The following TLN2 variants were observed in gnomAD, a reference collection of about 807,000 sequenced individuals.
The protein encoded by TLN2 is talin-2.
Under a neutral mutation model 294.7 loss-of-function variants are expected in TLN2, and 118 were observed. That is an observed-to-expected ratio of 0.40 (90% CI 0.34 to 0.47). TLN2 has a LOEUF of 0.47. Among genes scored for constraint, TLN2 ranks in the 20% least tolerant of loss-of-function variants. The pLI is 0.84. For missense variants in TLN2, 3,083 were observed against 3,282.2 expected, an observed-to-expected ratio of 0.94 and a Z score of 1.48; for synonymous variants, 1,431 against 1,304.5, an observed-to-expected ratio of 1.10 and a Z score of -2.09.
In TLN2 at chr15:62,656,056, C is replaced by T. The variant is rs765794492; in HGVS notation, c.630C>T (p.Asp210=). 1.9e-6 allele frequency: 3 copies of T among 1,614,156 alleles called. No homozygotes were observed. Among genetic ancestry groups the T allele is most frequent in the East Asian group, 2.2e-5 (1 of 44,880 alleles). Residue 210 remains aspartate (D), a synonymous_variant, in exon 8 of 59, where the codon GAC becomes GAT. Coordinates refer to ENST00000636159, the MANE Select transcript of TLN2 (RefSeq NM_015059.3). ...CTGATCAGAATGTAGATTCGAGAGA[C>T]CCCGTGCAGCTGAACTTGCTTTATG... ...FYSDQNVDSR[D]PVQLNLLYVQ...
At chr15:62,622,366 C>T (rs1031020744) in intron 3 of TLN2, among the ~76,000 whole-genome samples, 1 of 152,076 alleles carries the variant, frequency 6.6e-6, no homozygotes, top group Non-Finnish European at 1.5e-5. Context: ...CTGCTTTCAG[C>T]CATGTAATTG....
chr15:62,607,449 G>A (rs1392634104), intron 2 of TLN2, among the ~76,000 whole-genome samples: 2 of 152,142 alleles, frequency 1.3e-5, no homozygotes, highest in Non-Finnish European at 2.9e-5. Flanking sequence ...TCTCTCCTTT[G>A]ATTTGCAGCA....
In TLN2 at chr15:62,766,347, G is replaced by GCT; in HGVS notation, c.5121_5122insCT (p.Val1708LeufsTer27). On this transcript the variant is annotated frameshift_variant, in exon 41 of 59. Transcript: ENST00000636159. LOFTEE classifies it high-confidence loss of function. ...CCCTGCAGGAGCAGCTGACTTCGGTGGTCCAGGAAATCGGACACCTTATCG... is the reference window on the plus strand; with the variant it reads ...CCCTGCAGGAGCAGCTGACTTCGGTGCTGTCCAGGAAATCGGACACCTTATCG... 1 of 1,613,152 alleles carries GCT rather than the reference G, an allele frequency of 6.2e-7. No homozygotes were observed. The highest frequency in any genetic ancestry group is 1.1e-5 in the South Asian group (1 of 91,036).
chr15:62,755,809 T>G, intron 37 of TLN2, 116 bp downstream of exon 37: 1 of 1,354,460 alleles, frequency 7.4e-7, no homozygotes, highest in Admixed American at 2.3e-5. Context: ...AACTTCTAAT[T>G]CAGTCTTATG....
intron 44 of TLN2, among the ~76,000 whole-genome samples, chr15:62,781,639 T>A: frequency 6.6e-6 from 1 of 152,166 alleles, no homozygotes. Flanking sequence ...CAAGAGAAGA[T>A]ATTTGGGGAT....
chr15:62,605,322 C>G (rs1325895868), intron 2 of TLN2, among the ~76,000 whole-genome samples: 1 of 152,148 alleles, frequency 6.6e-6, no homozygotes, highest in Non-Finnish European at 1.5e-5. Context: ...TCCTTTGTGT[C>G]TGAGTATTTT....
At chr15:62,405,458 A>G (rs1428870315) in intron 1 of TLN2, among the ~76,000 whole-genome samples, 1 of 152,204 alleles carries the variant, frequency 6.6e-6, no homozygotes, top group African/African-American at 2.4e-5. Context: ...TCACTCCTGC[A>G]CCGCTTCTGG....
intron 3 of TLN2, among the ~76,000 whole-genome samples, chr15:62,620,620 A>G (rs1358895475): frequency 6.6e-6 from 1 of 151,842 alleles, no homozygotes; most frequent in African/African-American, 2.4e-5. Flanking sequence ...CGGGCACTAC[A>G]GGAGTGTGCC....
chr15:62,566,562 C>T (rs547634038), intron 1 of TLN2, among the ~76,000 whole-genome samples: 4 of 150,968 alleles, frequency 2.6e-5, no homozygotes, highest in East Asian at 1.9e-4. Context: ...CACATATTTG[C>T]GAAGGCCTGA....
chr15:62,687,739 T>A (rs1156841494), intron 12 of TLN2: 1 of 152,144 alleles, frequency 6.6e-6, no homozygotes, highest in Non-Finnish European at 1.5e-5. Context: ...GAAGGGGCCA[T>A]GGAAAGAGTC....
intron 2 of TLN2, among the ~76,000 whole-genome samples, chr15:62,615,548 C>G (rs531556767): frequency 1.1e-4 from 16 of 152,246 alleles, no homozygotes; most frequent in African/African-American, 3.6e-4. Flanking sequence ...AACTAGAAAC[C>G]ATTTGTAAAG....
At chr15:62,471,827 G>T (rs187340758) in intron 1 of TLN2, among the ~76,000 whole-genome samples, 8 of 152,234 alleles carry the variant, frequency 5.3e-5, no homozygotes, top group Admixed American at 5.2e-4. Context: ...CTTCCCAAAG[G>T]CTGCAGGCAG....
intron 2 of TLN2, among the ~76,000 whole-genome samples, chr15:62,600,488 A>G (rs1037057363): frequency 6.6e-6 from 1 of 152,122 alleles, no homozygotes; most frequent in African/African-American, 2.4e-5. Context: ...TTTAAGGACC[A>G]TGTTTTCAAC....
intron 1 of TLN2, among the ~76,000 whole-genome samples, chr15:62,518,187 C>T (rs939510336): frequency 2.0e-5 from 3 of 152,054 alleles, no homozygotes; most frequent in Non-Finnish European, 2.9e-5. Context: ...TACAGGCATG[C>T]GTCACCACGT....
intron 1 of TLN2, among the ~76,000 whole-genome samples, chr15:62,391,825 C>T (rs2032110288): frequency 6.6e-6 from 1 of 152,246 alleles, no homozygotes; most frequent in Non-Finnish European, 1.5e-5. Context: ...CCTTGGGGCT[C>T]CGAGGCTCAG....
At chr15:62,484,044 C>T (rs73422549) in intron 1 of TLN2, among the ~76,000 whole-genome samples, 4,745 of 152,164 alleles carry the variant, frequency 0.031, 268 homozygotes, top group African/African-American at 0.11. Flanking sequence ...GCCTTGCTGC[C>T]CCCAGTTTAC....
chr15:62,623,655 C>G (rs2049023700), intron 3 of TLN2, among the ~76,000 whole-genome samples: 1 of 152,118 alleles, frequency 6.6e-6, no homozygotes, highest in Non-Finnish European at 1.5e-5. Flanking sequence ...TTATTTTGCC[C>G]AAAACTCAAA....
chr15:62,498,898 G>A (rs2140425021), intron 1 of TLN2, among the ~76,000 whole-genome samples: 1 of 152,248 alleles, frequency 6.6e-6, no homozygotes, highest in Admixed American at 6.5e-5. Context: ...GCTGTACAGG[G>A]GTTATTGTTC....
At chr15:62,665,241 G>T (rs1366145499) in intron 9 of TLN2, among the ~76,000 whole-genome samples, 1 of 151,904 alleles carries the variant, frequency 6.6e-6, no homozygotes, top group African/African-American at 2.4e-5. Flanking sequence ...TTTTGTATGG[G>T]GTCCTAGTTT....
Sources: gnomAD v4.1 joint callset for allele counts (sites outside exome capture counted in the v4.1 genomes callset) on GRCh38, gnomAD v4.1.1 for gene constraint, MANE v1.5 for transcripts, NCBI Gene and HGNC (gene_info 2026-07-23, HGNC 2026-07-21) for gene names.